Variants in SLC66A1 observed in about 807,000 individuals in gnomAD.
SLC66A1 encodes solute carrier family 66 member 1.
In SLC66A1, 23 loss-of-function variants were observed where a neutral mutation model predicts 33.0. That is an observed-to-expected ratio of 0.70 (90% CI 0.50 to 0.99). The LOEUF is 0.99. Ranked by LOEUF, SLC66A1 falls within the 50% of genes least tolerant of loss-of-function variation. The probability of loss-of-function intolerance (pLI) is 0.00; values close to 1 mark genes in which losing one functional copy is unlikely to be tolerated. For synonymous variants in SLC66A1, 164 were observed against 175.5 expected (o/e 0.93, Z 0.52); for missense variants, 335 against 383.6 (o/e 0.87, Z 1.06).
rs750250367 is a variant in SLC66A1 at position 19,324,750 on chromosome 1, G to A, written c.282G>A (p.Gln94=). The stretch of plus-strand genomic sequence containing the variant: ...TCATCGGCTCCTTCCTTGCTGACCA[G>A]CTGCCCCTGCAGGTGGGCCGGTACC... ...CNLIGSFLAD[Q]LPLQTYTAVY... The change falls in exon 3 of 8, where the codon CAG becomes CAA. Residue 94 remains glutamine, a synonymous_variant. Transcript: ENST00000375153. 5 of 1,614,090 alleles carry A rather than the reference G, an allele frequency of 3.1e-6. No individual in the cohort carries two copies. Among genetic ancestry groups the A allele is most frequent in the Non-Finnish European group, 4.2e-6 (5 of 1,180,008 alleles).
chr1:19,312,393 G>C lies in SLC66A1; in HGVS notation c.-575G>C. On this transcript the variant is annotated 5_prime_UTR_variant, in exon 1 of 8. Coordinates refer to ENST00000375153, the MANE Select transcript of SLC66A1 (RefSeq NM_001040125.2). ...ACCGGGGGCAGGTGGCAAACTTCAC[G>C]GCTGGGGGTCGGGGCTCCTGGGCTT... 1 of 223,312 alleles carries C rather than the reference G, an allele frequency of 4.5e-6. No individual in the cohort carries two copies. Among genetic ancestry groups the C allele is most frequent in the East Asian group, 1.1e-4 (1 of 9,294 alleles). The allele number at this position is 223,312 out of a possible 1,614,324, so 13.8% of individuals were successfully genotyped here.
At chr1:19,322,271 C>T (rs113203335) in intron 2 of SLC66A1, among the ~76,000 whole-genome samples, 3,538 of 152,078 alleles carry the variant, frequency 0.023, 141 homozygotes, top group African/African-American at 0.08. Flanking sequence ...CAGGACTATC[C>T]GAGTTGCTGG....
Position 19,326,539 on chromosome 1 carries a change from C to G in SLC66A1, c.534C>G (p.Thr178=). Residue 178 remains threonine, a synonymous_variant, in exon 6 of 8, where the codon ACC becomes ACG. Transcript: ENST00000375153. ...LSVESGSKPF[T]RQEVIGFVIG... is the part of the protein sequence containing the mutation. ...CCCCTTCTGCCCCACAGCCCTTCACCCGGCAGGAAGTCATTGGCTTCGTCA... is the reference window on the plus strand; with the variant it reads ...CCCCTTCTGCCCCACAGCCCTTCACGCGGCAGGAAGTCATTGGCTTCGTCA... 1.9e-6 allele frequency: 3 copies of G among 1,614,250 alleles called. No homozygotes were observed. The highest frequency in any genetic ancestry group is 2.5e-6 in the Non-Finnish European group (3 of 1,180,046).
At chr1:19,326,856 G>T (rs1217791325) in intron 6 of SLC66A1, among the ~76,000 whole-genome samples, 5 of 152,254 alleles carry the variant, frequency 3.3e-5, no homozygotes, top group Non-Finnish European at 7.3e-5. Context: ...TGTGTGTCTT[G>T]GGGGAGTGGG....
chr1:19,313,123 GC>G, intron 1 of SLC66A1: 1 of 861,038 alleles, frequency 1.2e-6, no homozygotes, highest in Non-Finnish European at 1.4e-6. Context: ...TCTGCAGTCA[GC>G]CTAGGTGGTG....
chr1:19,331,237 C>T (rs1054365786), downstream of SLC66A1, among the ~76,000 whole-genome samples: 1 of 152,200 alleles, frequency 6.6e-6, no homozygotes, highest in Non-Finnish European at 1.5e-5. Flanking sequence ...GTCTCGAACT[C>T]CTTACCTCAG....
rs528370482 is a variant in SLC66A1, at chr1:19,328,061, GAA to G, written c.805-509_805-508del. The G allele has an allele frequency of 3.2e-5, 8 of 251,852 alleles. No individual in the cohort carries two copies. In the South Asian group the frequency reaches 3.6e-4, roughly 11 times the overall value. 15.6% of individuals were successfully genotyped at this position (251,852 alleles called of 1,614,324 possible). A position where few individuals can be genotyped will look rare whatever the true frequency, so the allele number is the denominator to read the frequency against. ...GATGTTGTGTAAGATGAGGTATCTG[GAA>G]ACACTCCCCACAGGACCCCGTTTTC... On this transcript the variant is annotated intron_variant, in intron 7 of 7. Coordinates refer to ENST00000375153, the MANE Select transcript of SLC66A1 (RefSeq NM_001040125.2). This position sits in a 1 kb window ranked among gnomAD's most constrained non-coding sequence, Gnocchi z 4.7.
At chr1:19,315,308 G>A (rs1357161104) in intron 1 of SLC66A1, among the ~76,000 whole-genome samples, 1 of 152,258 alleles carries the variant, frequency 6.6e-6, no homozygotes, top group Admixed American at 6.5e-5. Context: ...GGTCCCCCAG[G>A]TGGGCCACGA....
At chr1:19,313,353 C>CT (rs1335211117) in intron 1 of SLC66A1, among the ~76,000 whole-genome samples, 10 of 152,310 alleles carry the variant, frequency 6.6e-5, no homozygotes, top group African/African-American at 2.4e-4. Flanking sequence ...CTTCTTCACT[C>CT]TGTCCTTCTC....
In SLC66A1 at chr1:19,328,185, T is replaced by C. The variant is rs7514955; in HGVS notation, c.805-387T>C. ...AACATGGCCTTTGTTTTAATATTTGTTAAGTCCCTGCCGGGCGCAGGGAGG... is the reference window on the plus strand; with the variant it reads ...AACATGGCCTTTGTTTTAATATTTGCTAAGTCCCTGCCGGGCGCAGGGAGG... On this transcript the variant is annotated intron_variant, in intron 7 of 7. Transcript: ENST00000375153. This position sits in a 1 kb window ranked among gnomAD's most constrained non-coding sequence, Gnocchi z 4.7. 17,695 of 351,844 alleles carry C rather than the reference T, an allele frequency of 0.05. 782 individuals are homozygous for C. The highest frequency in any genetic ancestry group is 0.15 in the African/African-American group (6,914 of 47,040). The allele number at this position is 351,844 out of a possible 1,614,324, so 21.8% of individuals were successfully genotyped here.
downstream of SLC66A1, among the ~76,000 whole-genome samples, chr1:19,330,998 G>A (rs1037647346): frequency 2.0e-5 from 3 of 152,292 alleles, no homozygotes; most frequent in East Asian, 3.9e-4. Flanking sequence ...TTCACAGCCA[G>A]CTCTGAGATG....
downstream of SLC66A1, among the ~76,000 whole-genome samples, chr1:19,331,731 G>A (rs2093893003): frequency 1.3e-5 from 2 of 152,226 alleles, no homozygotes; most frequent in South Asian, 2.1e-4. Context: ...GGACCAGTAG[G>A]TGCCCTTCCA....
Position 19,315,857 on chromosome 1 carries a change from CTG to C in SLC66A1, c.-78-1741_-78-1740del, listed in dbSNP as rs376037359. 4.7e-4 allele frequency among the ~76,000 whole-genome samples: 71 copies of C among 152,042 alleles called. No homozygotes were observed. In the East Asian group the frequency reaches 8.5e-3, roughly 18 times the overall value. On this transcript the variant is annotated intron_variant, in intron 1 of 7. Transcript: ENST00000375153. ...GTAGGTCTGAGTCTTGGGTTTGACT[CTG>C]TAGTTTCCTGGCTGGGTGGCGCTGG... is the stretch of plus-strand genomic sequence containing the variant.
chr1:19,320,692 G>C (rs1415335892), intron 2 of SLC66A1, among the ~76,000 whole-genome samples: 2 of 150,664 alleles, frequency 1.3e-5, no homozygotes, highest in Non-Finnish European at 2.9e-5. Context: ...TGGGATTACA[G>C]GCGTGAGCCA....
chr1:19,322,250 G>A (rs1474157717), intron 2 of SLC66A1, among the ~76,000 whole-genome samples: 1 of 152,136 alleles, frequency 6.6e-6, no homozygotes, highest in Non-Finnish European at 1.5e-5. Flanking sequence ...GTCCAGGGGT[G>A]AGAGCTTCCT....
chr1:19,314,430 A>T (rs904694015), intron 1 of SLC66A1, among the ~76,000 whole-genome samples: 2 of 151,866 alleles, frequency 1.3e-5, no homozygotes, highest in Non-Finnish European at 2.9e-5. Flanking sequence ...CCTCGAGACA[A>T]CCCCCCAACA....
intron 1 of SLC66A1, among the ~76,000 whole-genome samples, chr1:19,313,636 A>G (rs2093789407): frequency 6.6e-6 from 1 of 152,266 alleles, no homozygotes. Flanking sequence ...GAAGGGGAGC[A>G]GGACACTTCT....
rs780022650 is a variant in SLC66A1 at position 19,328,565 on chromosome 1, C to T, written c.805-7C>T. The stretch of plus-strand genomic sequence containing the variant: ...GCTCAGCTTGGCCTTAACGGCGGCA[C>T]CCCCAGATCTCCATCCAGTTCCTGG... On this transcript the variant is annotated splice_polypyrimidine_tract_variant and splice_region_variant and intron_variant, in intron 7 of 7. Coordinates refer to ENST00000375153, the MANE Select transcript of SLC66A1 (RefSeq NM_001040125.2). This position sits in a 1 kb window ranked among gnomAD's most constrained non-coding sequence, Gnocchi z 4.7. 6.2e-7 allele frequency: 1 copy of T among 1,612,534 alleles called. No individual in the cohort carries two copies. Among genetic ancestry groups the T allele is most frequent in the Non-Finnish European group, 8.5e-7 (1 of 1,179,584 alleles).
chr1:19,333,128 C>T (rs56239536), downstream of SLC66A1, among the ~76,000 whole-genome samples: 3,208 of 152,304 alleles, frequency 0.021, 123 homozygotes, highest in African/African-American at 0.073. The surrounding 1 kb of genome is among the most constrained non-coding windows in gnomAD (Gnocchi z 4.2). Flanking sequence ...AAGGGATGGT[C>T]CTGGCAGCCC....
Sources: allele counts gnomAD v4.1 joint callset (sites outside exome capture counted in the v4.1 genomes callset), GRCh38; gene constraint gnomAD v4.1.1; non-coding constraint Gnocchi (gnomAD v3.1); transcripts MANE v1.5; gene names NCBI Gene and HGNC (gene_info 2026-07-23, HGNC 2026-07-21).